ALDH1A2: variants seen among roughly 807,000 people sequenced by gnomAD.
ALDH1A2 encodes retinal dehydrogenase 2.
A neutral mutation model predicts 60.3 loss-of-function variants in ALDH1A2; 27 were observed. The ratio of observed to expected loss-of-function variants is 0.45; its 90% CI spans 0.33 to 0.62. The LOEUF (loss-of-function observed/expected upper bound fraction) is 0.62, where lower values mean the gene tolerates loss of function less well. Ranked by LOEUF, ALDH1A2 falls within the 20% of genes least tolerant of loss-of-function variation. ALDH1A2 has a pLI of 0.02. For missense variants in ALDH1A2, 581 were observed against 643.8 expected, an observed-to-expected ratio of 0.90 and a Z score of 1.06; for synonymous variants, 289 against 232.4, an observed-to-expected ratio of 1.24 and a Z score of -2.21.
intron 1 of ALDH1A2, among the ~76,000 whole-genome samples, chr15:58,062,444 G>A (rs1566964984): frequency 6.6e-6 from 1 of 152,128 alleles, no homozygotes; most frequent in Admixed American, 6.5e-5. Flanking sequence ...AGTCAGGGGC[G>A]GTCAGTAAAG....
At chr15:57,976,505 G>A (rs1285027789) in intron 7 of ALDH1A2, among the ~76,000 whole-genome samples, 1 of 152,124 alleles carries the variant, frequency 6.6e-6, no homozygotes, top group Admixed American at 6.6e-5. Flanking sequence ...TTATGAATGA[G>A]AACATATGGT....
intron 3 of ALDH1A2, among the ~76,000 whole-genome samples, chr15:58,011,166 G>A (rs1465611637): frequency 6.6e-6 from 1 of 152,030 alleles, no homozygotes; most frequent in Non-Finnish European, 1.5e-5. Context: ...GCAGAAACAT[G>A]GGCTCTTTAT....
chr15:58,050,793 C>T (rs1037917719), intron 1 of ALDH1A2, among the ~76,000 whole-genome samples: 1 of 152,080 alleles, frequency 6.6e-6, no homozygotes, highest in Non-Finnish European at 1.5e-5. Flanking sequence ...AAAGTAAAAC[C>T]AAAAGTAGCA....
chr15:58,019,920 C>A (rs1895880895), intron 1 of ALDH1A2, among the ~76,000 whole-genome samples: 1 of 152,108 alleles, frequency 6.6e-6, no homozygotes, highest in African/African-American at 2.4e-5. Context: ...CACCTATCAT[C>A]ACATCACCTA....
intron 4 of ALDH1A2, among the ~76,000 whole-genome samples, chr15:58,002,967 A>C (rs1313385963): frequency 6.6e-6 from 1 of 151,934 alleles, no homozygotes; most frequent in Non-Finnish European, 1.5e-5. Flanking sequence ...ACAAACGCTG[A>C]AACTGTATGT....
At chr15:57,972,927 C>G (rs1894118970) in intron 7 of ALDH1A2, among the ~76,000 whole-genome samples, 1 of 152,152 alleles carries the variant, frequency 6.6e-6, no homozygotes, top group African/African-American at 2.4e-5. Flanking sequence ...GAGAGCTGAC[C>G]TGATTCATGA....
intron 7 of ALDH1A2, among the ~76,000 whole-genome samples, 162 bp from the exon 8 acceptor site, chr15:57,965,989 T>TG (rs1893885001): frequency 6.6e-6 from 1 of 152,128 alleles, no homozygotes; most frequent in Non-Finnish European, 1.5e-5. Flanking sequence ...TGTAAGTTAG[T>TG]GGGGTACAGT....
chr15:58,061,062 A>G (rs1400737578), intron 1 of ALDH1A2, among the ~76,000 whole-genome samples: 1 of 152,202 alleles, frequency 6.6e-6, no homozygotes, highest in Admixed American at 6.5e-5. Flanking sequence ...CTGAAATACA[A>G]AAACTATCAT....
At chr15:57,962,967 C>T (rs1157159269) in intron 9 of ALDH1A2, among the ~76,000 whole-genome samples, 1 of 152,166 alleles carries the variant, frequency 6.6e-6, no homozygotes, top group African/African-American at 2.4e-5. Context: ...TACGGTGAAC[C>T]TGCAGAGGAG....
At chr15:57,990,523 A>G (rs1403632244) in intron 7 of ALDH1A2, 1 of 152,236 alleles carries the variant, frequency 6.6e-6, no homozygotes. Flanking sequence ...TGTAGGTACT[A>G]ACATGACAAG....
At chr15:57,992,564 G>A (rs555105997) in intron 7 of ALDH1A2, 141 bp downstream of exon 7, 5 of 788,440 alleles carry the variant, frequency 6.3e-6, no homozygotes, top group Non-Finnish European at 8.7e-6. Flanking sequence ...AGTGTTCTAT[G>A]ACACCAATGT....
In ALDH1A2 at chr15:57,992,978, G is replaced by C; in HGVS notation, c.651C>G (p.Leu217=). The C allele has an allele frequency of 6.2e-7, 1 of 1,614,052 alleles. No homozygotes were observed. Among genetic ancestry groups the C allele is most frequent in the Non-Finnish European group, 8.5e-7 (1 of 1,179,986 alleles). ...TGAGGGCTCCCATGTAGAGTGCACT[G>C]AGTGGTGTTTGCTCTGCTGGCTTAA... ...VVIKPAEQTP[L]SALYMGALIK... The change falls in exon 6 of 13, where the codon CTC becomes CTG. Residue 217 remains leucine (L), a synonymous_variant. Transcript: ENST00000249750.
At chr15:58,003,283 T>G (rs1162397779) in intron 4 of ALDH1A2, among the ~76,000 whole-genome samples, 2 of 151,850 alleles carry the variant, frequency 1.3e-5, no homozygotes, top group Non-Finnish European at 2.9e-5. Flanking sequence ...TGTTGTTAGG[T>G]GGGCAGAGCA....
chr15:57,979,398 G>T (rs1894399959), intron 7 of ALDH1A2, among the ~76,000 whole-genome samples: 1 of 152,208 alleles, frequency 6.6e-6, no homozygotes, highest in African/African-American at 2.4e-5. Flanking sequence ...GAAACCTCCG[G>T]GTACTGGTTC....
Position 58,014,161 on chromosome 15 carries a change from T to C in ALDH1A2, c.222+16A>G. ...CAGTTATTTCATAGGAAATCTTTTA[T>C]CTACAAAAGACATACCTTGTCTGCT... On this transcript the variant is annotated intron_variant, in intron 2 of 12. Transcript: ENST00000249750. The C allele has an allele frequency of 1.2e-6, 2 of 1,614,166 alleles. No individual in the cohort carries two copies. Among genetic ancestry groups the C allele is most frequent in the East Asian group, 4.5e-5 (2 of 44,888 alleles).
chr15:57,977,185 G>C (rs4775007), intron 7 of ALDH1A2, among the ~76,000 whole-genome samples: 147,536 of 152,008 alleles, frequency 0.97, 71,764 homozygotes, highest in East Asian at 1. Flanking sequence ...CAAAAACTTT[G>C]TCCCACTCTG....
intron 8 of ALDH1A2, 79 bp downstream of exon 8, chr15:57,965,646 T>G (rs554220335): frequency 2.0e-6 from 2 of 1,021,902 alleles, no homozygotes; most frequent in South Asian, 2.5e-5. Context: ...TTTGCTAGTG[T>G]CCCATCAAAA....
intron 12 of ALDH1A2, among the ~76,000 whole-genome samples, chr15:57,958,212 A>ACT (rs1783569299): frequency 1.3e-5 from 2 of 150,250 alleles, no homozygotes; most frequent in Admixed American, 6.6e-5. Flanking sequence ...GTGTACACGC[A>ACT]CGCACACACA....
intron 4 of ALDH1A2, among the ~76,000 whole-genome samples, chr15:58,000,902 C>G (rs1426492374): frequency 1.3e-5 from 2 of 151,734 alleles, no homozygotes; most frequent in African/African-American, 4.8e-5. Context: ...TTATGATGCC[C>G]TATGGTTGCT....
Sources: gnomAD v4.1 joint callset for allele counts (sites outside exome capture counted in the v4.1 genomes callset) on GRCh38, gnomAD v4.1.1 for gene constraint, MANE v1.5 for transcripts, NCBI Gene and HGNC (gene_info 2026-07-23, HGNC 2026-07-21) for gene names.